Variants in NEXMIF observed in about 807,000 individuals in gnomAD.
NEXMIF encodes neurite extension and migration factor.
In NEXMIF, 8 loss-of-function variants were observed where a neutral mutation model predicts 62.1. The ratio of observed to expected loss-of-function variants is 0.13; its 90% CI spans 0.08 to 0.23. The LOEUF (loss-of-function observed/expected upper bound fraction) is 0.23. Ranked by LOEUF, NEXMIF falls within the 10% of genes least tolerant of loss-of-function variation. The probability of loss-of-function intolerance (pLI) is 1.00; values close to 1 mark genes in which losing one functional copy is unlikely to be tolerated. For synonymous variants in NEXMIF, 404 were observed against 416.6 expected (o/e 0.97, Z 0.37); for missense variants, 976 against 1,113.3 (o/e 0.88, Z 1.75).
intron 1 of NEXMIF, among the ~76,000 whole-genome samples, chrX:74,768,373 AC>A (rs2080200807): frequency 9.0e-6 from 1 of 111,650 alleles, no homozygotes; most frequent in Admixed American, 9.5e-5. Flanking sequence ...TCTACTTGCC[AC>A]TTCTCTCCAT....
intron 1 of NEXMIF, among the ~76,000 whole-genome samples, chrX:74,854,303 T>C (rs1370535043): frequency 3.6e-5 from 4 of 111,870 alleles, no homozygotes; most frequent in African/African-American, 1.3e-4. Context: ...ATACATCAAA[T>C]CAACAGAATG....
intron 1 of NEXMIF, among the ~76,000 whole-genome samples, chrX:74,751,350 T>C (rs2080141745): frequency 8.9e-6 from 1 of 111,984 alleles, no homozygotes; most frequent in Admixed American, 9.4e-5. Flanking sequence ...CCCTCCCTTC[T>C]CTGGTACTTA....
chrX:74,801,235 G>T (rs1457128293), intron 1 of NEXMIF, among the ~76,000 whole-genome samples: 1 of 111,736 alleles, frequency 8.9e-6, no homozygotes, highest in African/African-American at 3.3e-5. Context: ...AAGACATCAC[G>T]GTTGCTTAGA....
At chrX:74,901,369 T>C (rs889317255) in intron 1 of NEXMIF, among the ~76,000 whole-genome samples, 1 of 111,864 alleles carries the variant, frequency 8.9e-6, no homozygotes, top group Non-Finnish European at 1.9e-5. Flanking sequence ...AAGATGTCAA[T>C]GTGAGGTTTA....
At chrX:74,790,440 G>T (rs1346417063) in intron 1 of NEXMIF, among the ~76,000 whole-genome samples, 1 of 112,356 alleles carries the variant, frequency 8.9e-6, no homozygotes, top group African/African-American at 3.2e-5. Context: ...TTTGGCTTAG[G>T]ATTGACTTGG....
chrX:74,903,383 C>G (rs928116107), intron 1 of NEXMIF, among the ~76,000 whole-genome samples: 3 of 102,241 alleles, frequency 2.9e-5, no homozygotes, highest in Admixed American at 2.1e-4. Flanking sequence ...CACACACACA[C>G]ACAGACCTGA....
Position 74,739,359 on chromosome X carries a change from A to T in NEXMIF, c.*46T>A. On this transcript the variant is annotated 3_prime_UTR_variant, in exon 4 of 4. Coordinates refer to ENST00000055682, the MANE Select transcript of NEXMIF (RefSeq NM_001008537.3). ...CTTTTCTTTAAGCACTTACATGTCA[A>T]CATACATACCACAAGGCATATTTTG... 2.1e-6 allele frequency: 2 copies of T among 931,836 alleles called. No homozygotes were observed. The highest frequency in any genetic ancestry group is 3.0e-6 in the Non-Finnish European group (2 of 665,457). 76.8% of individuals were successfully genotyped at this position (931,836 alleles called of 1,213,427 possible). A position where few individuals can be genotyped will look rare whatever the true frequency, so the allele number is the denominator to read the frequency against.
At chrX:74,846,159 G>A (rs1055704252) in intron 1 of NEXMIF, among the ~76,000 whole-genome samples, 1 of 112,899 alleles carries the variant, frequency 8.9e-6, no homozygotes, top group East Asian at 2.8e-4. Context: ...GAAGGGCCCA[G>A]CTTTAAAGAG....
At chrX:74,794,684 CTTT>C (rs1335053213) in intron 1 of NEXMIF, among the ~76,000 whole-genome samples, 1 of 111,928 alleles carries the variant, frequency 8.9e-6, no homozygotes, top group Non-Finnish European at 1.9e-5. Context: ...CGTGGTGCGC[CTTT>C]TTTTAAGCCC....
At chrX:74,847,378 A>G (rs930542329) in intron 1 of NEXMIF, among the ~76,000 whole-genome samples, 2 of 112,186 alleles carry the variant, frequency 1.8e-5, no homozygotes, top group African/African-American at 3.2e-5. Context: ...AAGTACATGC[A>G]TACATATAAG....
At chrX:74,827,599 A>AT (rs762281585) in intron 1 of NEXMIF, among the ~76,000 whole-genome samples, 1 of 112,326 alleles carries the variant, frequency 8.9e-6, no homozygotes, top group East Asian at 2.8e-4. Context: ...ATCAAGACTA[A>AT]TTTTGAAACA....
At chrX:74,890,686 T>G (rs1160278340) in intron 1 of NEXMIF, among the ~76,000 whole-genome samples, 1 of 111,532 alleles carries the variant, frequency 9.0e-6, no homozygotes, top group African/African-American at 3.3e-5. Context: ...TTTCCAAACT[T>G]GGAAACTTAA....
intron 1 of NEXMIF, among the ~76,000 whole-genome samples, chrX:74,865,777 C>T (rs2080576749): frequency 8.9e-6 from 1 of 112,096 alleles, no homozygotes; most frequent in African/African-American, 3.2e-5. Flanking sequence ...TCAGAGGGTT[C>T]AAGCCCAAAA....
intron 1 of NEXMIF, among the ~76,000 whole-genome samples, chrX:74,858,540 C>A (rs1470665803): frequency 9.0e-6 from 1 of 111,363 alleles, no homozygotes; most frequent in Non-Finnish European, 1.9e-5. Flanking sequence ...GGAAAGCTTT[C>A]CCAAGAAGGA....
chrX:74,847,036 C>A (rs184849118), intron 1 of NEXMIF, among the ~76,000 whole-genome samples: 2 of 112,284 alleles, frequency 1.8e-5, no homozygotes, highest in Non-Finnish European at 3.8e-5. Context: ...AGGACCCAAC[C>A]TGTACATGGT....
intron 1 of NEXMIF, among the ~76,000 whole-genome samples, chrX:74,794,518 C>T (rs921703267): frequency 1.8e-5 from 2 of 112,185 alleles, no homozygotes; most frequent in African/African-American, 3.2e-5. Flanking sequence ...TTCGAGCTTC[C>T]CGGCTGCTTT....
At chrX:74,855,319 A>G (rs915729272) in intron 1 of NEXMIF, among the ~76,000 whole-genome samples, 2 of 111,855 alleles carry the variant, frequency 1.8e-5, no homozygotes, top group Non-Finnish European at 3.8e-5. Context: ...GGGGAAAAAT[A>G]CTCTCTTCAA....
intron 1 of NEXMIF, among the ~76,000 whole-genome samples, chrX:74,849,483 A>G (rs770163475): frequency 1.6e-4 from 18 of 112,141 alleles, no homozygotes; most frequent in Non-Finnish European, 3.0e-4. Context: ...GCATGATGGC[A>G]TGCTCCAGAG....
chrX:74,805,152 T>C (rs888890603), intron 1 of NEXMIF, among the ~76,000 whole-genome samples: 2 of 112,123 alleles, frequency 1.8e-5, no homozygotes, highest in African/African-American at 6.5e-5. Flanking sequence ...CAAGACTGTA[T>C]TTCCTGCCCT....
Sources: gnomAD v4.1 joint callset for allele counts (sites outside exome capture counted in the v4.1 genomes callset) on GRCh38, gnomAD v4.1.1 for gene constraint, MANE v1.5 for transcripts, NCBI Gene and HGNC (gene_info 2026-07-23, HGNC 2026-07-21) for gene names.